The following CA10 variants were observed in gnomAD, a reference collection of about 807,000 sequenced individuals.
CA10 encodes the protein carbonic anhydrase-related protein 10.
A neutral mutation model predicts 44.2 loss-of-function variants in CA10; 14 were observed. The observed-to-expected ratio is 0.32, with a 90% CI of 0.21 to 0.50. The LOEUF is 0.50. Among genes scored for constraint, CA10 ranks in the 20% least tolerant of loss-of-function variants. The pLI, the probability that CA10 is intolerant of heterozygous loss-of-function variation, is 0.99. For missense variants in CA10, 350 were observed against 409.7 expected (o/e 0.85, Z 1.26); for synonymous variants, 159 against 141.6 (o/e 1.12, Z -0.87).
At chr17:51,875,692 G>T (rs148316105) in intron 3 of CA10, among the ~76,000 whole-genome samples, 12 of 151,784 alleles carry the variant, frequency 7.9e-5, no homozygotes, top group Non-Finnish European at 1.6e-4. Context: ...ATTTTTTGGG[G>T]GGGGTATATA....
chr17:51,654,572 T>G (rs1913716084), intron 4 of CA10, among the ~76,000 whole-genome samples: 1 of 151,964 alleles, frequency 6.6e-6, no homozygotes, highest in African/African-American at 2.4e-5. Context: ...TTTTTTTTTT[T>G]TTAAGTTGGA....
intron 3 of CA10, among the ~76,000 whole-genome samples, chr17:51,812,657 A>T (rs1471090226): frequency 3.9e-5 from 6 of 152,066 alleles, no homozygotes; most frequent in Non-Finnish European, 8.8e-5. Flanking sequence ...AATTATCTAA[A>T]CTCTTCTCCT....
At chr17:51,934,958 C>T (rs1349234296) in intron 2 of CA10, among the ~76,000 whole-genome samples, 1 of 152,084 alleles carries the variant, frequency 6.6e-6, no homozygotes, top group Non-Finnish European at 1.5e-5. Context: ...CCATGAAGTG[C>T]CTGTGCCTAC....
intron 1 of CA10, among the ~76,000 whole-genome samples, chr17:52,105,536 C>T (rs1159195726): frequency 4.6e-5 from 7 of 152,202 alleles, no homozygotes; most frequent in African/African-American, 1.4e-4. Context: ...GCCACCACAC[C>T]TGGCCTCAAA....
At chr17:51,842,264 C>G (rs915640319) in intron 3 of CA10, among the ~76,000 whole-genome samples, 6 of 151,876 alleles carry the variant, frequency 4.0e-5, no homozygotes, top group African/African-American at 1.5e-4. Flanking sequence ...AGAGAAAAAA[C>G]AAAAACAATC....
intron 3 of CA10, among the ~76,000 whole-genome samples, chr17:51,911,690 A>T (rs1021152883): frequency 1.2e-4 from 18 of 152,208 alleles, no homozygotes; most frequent in African/African-American, 4.3e-4. Flanking sequence ...GGCACTAATC[A>T]TCTGATATGA....
chr17:51,873,048 A>G (rs933792991), intron 3 of CA10, among the ~76,000 whole-genome samples: 2 of 152,214 alleles, frequency 1.3e-5, no homozygotes, highest in Non-Finnish European at 2.9e-5. Context: ...GAAGAAGAGA[A>G]GTGCTGGAGT....
At chr17:52,120,321 C>G (rs1988985876) in intron 1 of CA10, among the ~76,000 whole-genome samples, 1 of 152,160 alleles carries the variant, frequency 6.6e-6, no homozygotes. Flanking sequence ...ACCAGGGACC[C>G]TTATATAGGC....
intron 4 of CA10, among the ~76,000 whole-genome samples, chr17:51,719,392 A>T (rs941091416): frequency 6.6e-6 from 1 of 152,178 alleles, no homozygotes; most frequent in Non-Finnish European, 1.5e-5. Context: ...AAGTTGAGTC[A>T]TTGGGGAATT....
intron 3 of CA10, among the ~76,000 whole-genome samples, chr17:51,893,130 TAA>T (rs1322094592): frequency 7.2e-5 from 11 of 151,946 alleles, no homozygotes. Context: ...GGCTAACAGA[TAA>T]AAAGACTATA....
At chr17:51,958,032 C>T (rs9896830) in intron 2 of CA10, among the ~76,000 whole-genome samples, 22,016 of 152,002 alleles carry the variant, frequency 0.14, 1,923 homozygotes, top group South Asian at 0.31. Flanking sequence ...GCCTCTGTGT[C>T]CTTTACTCTT....
intron 2 of CA10, among the ~76,000 whole-genome samples, chr17:51,996,461 T>A (rs1221350747): frequency 6.6e-6 from 1 of 152,018 alleles, no homozygotes; most frequent in African/African-American, 2.4e-5. Flanking sequence ...GTTCAAAAAT[T>A]TCCATTTGGT....
intron 2 of CA10, among the ~76,000 whole-genome samples, chr17:52,056,983 C>T (rs907045303): frequency 1.3e-5 from 2 of 152,056 alleles, no homozygotes; most frequent in Non-Finnish European, 2.9e-5. Flanking sequence ...CGATTAGAGA[C>T]ACGACTTGGC....
intron 2 of CA10, among the ~76,000 whole-genome samples, chr17:52,011,711 G>GA (rs1985802755): frequency 6.6e-6 from 1 of 151,976 alleles, no homozygotes; most frequent in African/African-American, 2.4e-5. Flanking sequence ...TATGATAAGT[G>GA]ATATGACCCA....
chr17:51,778,091 T>TATCA (rs1251190265), intron 3 of CA10, among the ~76,000 whole-genome samples: 4 of 152,198 alleles, frequency 2.6e-5, no homozygotes, highest in Admixed American at 6.5e-5. Flanking sequence ...TCCAAGTACC[T>TATCA]TTTGTTGACA....
At chr17:52,072,207 GCA>G in intron 2 of CA10, 110 bp downstream of exon 2, 1 of 706,516 alleles carries the variant, frequency 1.4e-6, no homozygotes, top group Non-Finnish European at 2.4e-6. Context: ...AGTATTCATT[GCA>G]CACATAAATT....
At chr17:51,758,220 T>A (rs900855444) in intron 3 of CA10, among the ~76,000 whole-genome samples, 2 of 152,354 alleles carry the variant, frequency 1.3e-5, no homozygotes, top group Middle Eastern at 3.4e-3. Context: ...AATGATCACA[T>A]GCACTGCTTA....
chr17:51,868,057 A>AACACAC (rs34631877), intron 3 of CA10, among the ~76,000 whole-genome samples: 2,084 of 144,916 alleles, frequency 0.014, 22 homozygotes, highest in South Asian at 0.023. Flanking sequence ...AAGCAGGTGT[A>AACACAC]ACACACACAC....
rs143296100 is a variant in CA10, at chr17:52,013,199, A to G, written c.136+59120T>C. ...GAATAACAGATTCCTAACCAAAATT[A>G]GAAACAACAGGAGGAAATAAATCAA... is the stretch of plus-strand genomic sequence containing the variant. On this transcript the variant is annotated intron_variant, in intron 2 of 8. Transcript: ENST00000451037. Among the ~76,000 whole-genome samples the G allele has an allele frequency of 9.2e-5, 14 of 152,194 alleles. No homozygotes were observed. The East Asian group carries it at 2.7e-3, about 29-fold the overall frequency.
Sources: allele counts gnomAD v4.1 joint callset (sites outside exome capture counted in the v4.1 genomes callset), GRCh38; gene constraint gnomAD v4.1.1; transcripts MANE v1.5; gene names NCBI Gene and HGNC (gene_info 2026-07-23, HGNC 2026-07-21).